ITGB6: variants seen among roughly 807,000 people sequenced by gnomAD.
ITGB6 encodes the protein integrin subunit beta 6.
ITGB6 carries 80 observed loss-of-function variants against 84.5 expected under a neutral mutation model. The ratio of observed to expected loss-of-function variants is 0.95; its 90% CI spans 0.79 to 1.14. The LOEUF (loss-of-function observed/expected upper bound fraction) is 1.14. Among genes scored for constraint, ITGB6 ranks in the 50% most tolerant of loss-of-function variants. The probability of loss-of-function intolerance (pLI) is 0.00; values close to 1 mark genes in which losing one functional copy is unlikely to be tolerated. For missense variants in ITGB6, 1,006 were observed against 968.0 expected (o/e 1.04, Z -0.52); for synonymous variants, 383 against 354.9 (o/e 1.08, Z -0.89).
intron 10 of ITGB6, among the ~76,000 whole-genome samples, chr2:160,127,219 C>T (rs1256897347): frequency 6.6e-6 from 1 of 152,160 alleles, no homozygotes; most frequent in Non-Finnish European, 1.5e-5. Context: ...CCTTTTCTTT[C>T]CAGATCTTCT....
chr2:160,119,837 C>T (rs957814989), intron 12 of ITGB6, among the ~76,000 whole-genome samples: 1 of 151,992 alleles, frequency 6.6e-6, no homozygotes, highest in Non-Finnish European at 1.5e-5. Context: ...ACAAACAACC[C>T]CATCAAAAAG....
At position 160,199,241 on chromosome 2, in the gene ITGB6, C is replaced by T; in HGVS notation, c.79G>A (p.Gly27Ser). ...AGGCAGTCTTCACAGGTTTCTGCAC[C>T]TCCCAGGGCACAGCCACCTAGGTTT... The part of the protein sequence containing the change: ...DHVQGGCALG[G>S]AETCEDCLLI... The change falls in exon 2 of 15, where the codon GGT becomes AGT. Residue 27 changes from glycine (G) to serine (S), a missense_variant. By Grantham distance (56) the Gly-to-Ser change is moderately conservative. Coordinates refer to ENST00000283249, the MANE Select transcript of ITGB6 (RefSeq NM_000888.5). 1 of 1,614,020 alleles carries T rather than the reference C, an allele frequency of 6.2e-7. No homozygotes were observed. Among genetic ancestry groups the T allele is most frequent in the Non-Finnish European group, 8.5e-7 (1 of 1,179,910 alleles).
chr2:160,136,842 A>T (rs933604387), intron 10 of ITGB6, among the ~76,000 whole-genome samples: 8 of 150,390 alleles, frequency 5.3e-5, no homozygotes, highest in Non-Finnish European at 1.0e-4. Flanking sequence ...ATAGGTTGGA[A>T]TTGAACAATG....
At chr2:160,134,555 T>C (rs1463736946) in intron 10 of ITGB6, among the ~76,000 whole-genome samples, 2 of 152,206 alleles carry the variant, frequency 1.3e-5, no homozygotes, top group African/African-American at 2.4e-5. Context: ...ACTCATTTTA[T>C]GAGGCCAGCA....
At position 160,142,015 on chromosome 2, in the gene ITGB6, TC is replaced by T. The variant is rs1223071457; in HGVS notation, c.1073del (p.Gly358GlufsTer6). 5 of 1,610,608 alleles carry T rather than the reference TC, an allele frequency of 3.1e-6. No individual in the cohort carries two copies. In the South Asian group the frequency reaches 5.5e-5, roughly 18 times the overall value. Reference protein sequence around the residue: ...ATVGLLQKDSGNILQLIISAY... With the variant: ...ATVGLLQKDSXNILQLIISAY... ...CTGAGATGATCAGCTGGAGAATGTT[TC>T]CGGAGTCCTTCTGAAGTAGACCTAC... is the stretch of plus-strand genomic sequence containing the variant. On this transcript the variant is annotated frameshift_variant, in exon 8 of 15. Coordinates refer to ENST00000283249, the MANE Select transcript of ITGB6 (RefSeq NM_000888.5). LOFTEE classifies it high-confidence loss of function.
intron 5 of ITGB6, among the ~76,000 whole-genome samples, 180 bp downstream of exon 5, chr2:160,173,794 T>C (rs1233309014): frequency 6.6e-6 from 1 of 152,170 alleles, no homozygotes; most frequent in Non-Finnish European, 1.5e-5. Flanking sequence ...GAAAGGACAG[T>C]CCCCATTTCA....
intron 10 of ITGB6, among the ~76,000 whole-genome samples, chr2:160,132,028 G>A (rs1683489447): frequency 6.6e-6 from 1 of 152,090 alleles, no homozygotes; most frequent in Admixed American, 6.6e-5. Context: ...ATTATATTTT[G>A]TTAGATTACA....
intron 2 of ITGB6, among the ~76,000 whole-genome samples, chr2:160,196,904 C>T (rs1686364188): frequency 6.6e-6 from 1 of 151,818 alleles, no homozygotes; most frequent in South Asian, 2.1e-4. Flanking sequence ...GGTGTCAATC[C>T]CCAAATCTAG....
chr2:160,116,354 TA>T (rs1399422760), intron 12 of ITGB6, among the ~76,000 whole-genome samples: 3 of 149,450 alleles, frequency 2.0e-5, no homozygotes, highest in African/African-American at 7.4e-5. Flanking sequence ...TGGGGGCCAA[TA>T]TTGAACATTC....
intron 8 of ITGB6, among the ~76,000 whole-genome samples, 174 bp downstream of exon 8, chr2:160,141,808 A>G (rs781062571): frequency 6.6e-6 from 1 of 152,238 alleles, no homozygotes; most frequent in African/African-American, 2.4e-5. Context: ...TCCAGGAAGA[A>G]GATCAGCAAG....
rs770266214 is a variant in ITGB6, at chr2:160,142,029, G to A, written c.1060C>T (p.Gln354Ter). 3.2e-5 allele frequency: 51 copies of A among 1,609,740 alleles called. No homozygotes were observed. Among genetic ancestry groups the A allele is most frequent in the Non-Finnish European group, 4.2e-5 (49 of 1,177,338 alleles). ...LIPGATVGLL[Q>*]KDSGNILQLI... Reference sequence around the variant, plus strand: ...TGGAGAATGTTTCCGGAGTCCTTCTGAAGTAGACCTACTGTAGCTCCAGGA... The same window carrying A: ...TGGAGAATGTTTCCGGAGTCCTTCTAAAGTAGACCTACTGTAGCTCCAGGA... Residue 354 changes from glutamine to a stop codon, truncating the protein, a stop_gained, in exon 8 of 15, where the codon CAG becomes TAG. Transcript: ENST00000283249. LOFTEE classifies it high-confidence loss of function.
Position 160,138,053 on chromosome 2 carries a change from C to T in ITGB6, c.1242+12G>A, listed in dbSNP as rs1477680597. The T allele has an allele frequency of 6.2e-7, 1 of 1,607,990 alleles. No homozygotes were observed. Among genetic ancestry groups the T allele is most frequent in the East Asian group, 2.2e-5 (1 of 44,872 alleles). ...GGTATTTATTCAGACTATCTACTGG[C>T]CAGCTACTTACTGTGTCTCCCACTT... On this transcript the variant is annotated intron_variant, in intron 9 of 14. Coordinates refer to ENST00000283249, the MANE Select transcript of ITGB6 (RefSeq NM_000888.5).
chr2:160,110,758 C>T (rs4665156), intron 13 of ITGB6, among the ~76,000 whole-genome samples: 29,209 of 152,142 alleles, frequency 0.19, 3,102 homozygotes, highest in Admixed American at 0.32. Flanking sequence ...CAAGCCTCCA[C>T]CAGGCCACCC....
At chr2:160,164,210 C>T (rs774791827) in intron 7 of ITGB6, among the ~76,000 whole-genome samples, 23 of 152,188 alleles carry the variant, frequency 1.5e-4, no homozygotes, top group South Asian at 2.1e-4. Context: ...TTAAGGCAGG[C>T]ACTACGTCTT....
At chr2:160,136,699 C>A (rs535267893) in intron 10 of ITGB6, among the ~76,000 whole-genome samples, 2 of 152,166 alleles carry the variant, frequency 1.3e-5, no homozygotes, top group Non-Finnish European at 2.9e-5. Context: ...GGCACATATA[C>A]GCCATGGAAT....
chr2:160,196,663 T>C (rs1282262164), intron 2 of ITGB6, among the ~76,000 whole-genome samples: 1 of 152,078 alleles, frequency 6.6e-6, no homozygotes, highest in East Asian at 1.9e-4. Flanking sequence ...TTCAATTGAA[T>C]TCACGTAACA....
chr2:160,130,251 T>C (rs899425823), intron 10 of ITGB6, among the ~76,000 whole-genome samples: 1 of 152,140 alleles, frequency 6.6e-6, no homozygotes, highest in Non-Finnish European at 1.5e-5. Context: ...ACAACTGTTG[T>C]ATATGTACTG....
chr2:160,105,785 G>A (rs1696888189), intron 14 of ITGB6, among the ~76,000 whole-genome samples: 1 of 152,194 alleles, frequency 6.6e-6, no homozygotes, highest in African/African-American at 2.4e-5. Flanking sequence ...GTGGCCAGGG[G>A]TCAGGTGAAG....
chr2:160,177,495 C>T (rs1371969554), intron 4 of ITGB6, among the ~76,000 whole-genome samples: 10 of 151,412 alleles, frequency 6.6e-5, no homozygotes, highest in Admixed American at 4.0e-4. Context: ...GGCGTGAACC[C>T]GGGAGGCGGA....
Sources: allele counts gnomAD v4.1 joint callset (sites outside exome capture counted in the v4.1 genomes callset), GRCh38; gene constraint gnomAD v4.1.1; transcripts MANE v1.5; gene names NCBI Gene and HGNC (gene_info 2026-07-23, HGNC 2026-07-21).